The following LDLRAD3 variants were observed in gnomAD, a reference collection of about 807,000 sequenced individuals.
LDLRAD3 encodes the protein low-density lipoprotein receptor class A domain-containing protein 3.
In LDLRAD3, 20 loss-of-function variants were observed where a neutral mutation model predicts 29.4. The ratio of observed to expected loss-of-function variants is 0.68; its 90% CI spans 0.48 to 0.99. The LOEUF is 0.99. LDLRAD3 is among the 50% of genes least tolerant of loss of function. LDLRAD3 has a pLI of 0.00. For synonymous variants in LDLRAD3, 157 were observed against 192.7 expected, an observed-to-expected ratio of 0.81 and a Z score of 1.53; for missense variants, 420 against 454.3, an observed-to-expected ratio of 0.92 and a Z score of 0.69.
rs1051328987 is a variant in LDLRAD3 at position 35,944,361 on chromosome 11, T to C, written c.46+217T>C. Among the ~76,000 whole-genome samples the C allele has an allele frequency of 7.3e-5, 11 of 151,626 alleles. No homozygotes were observed. Among genetic ancestry groups the C allele is most frequent in the African/African-American group, 2.7e-4 (11 of 41,384 alleles). ...CTATTGTGTGGGCGTGCGCGCCGGG[T>C]CGTGTTGTGCTGTGTGCGCGGGCGG... On this transcript the variant is annotated intron_variant, in intron 1 of 5. Transcript: ENST00000315571. This position sits in a 1 kb window ranked among gnomAD's most constrained non-coding sequence, Gnocchi z 4.9.
intron 1 of LDLRAD3, among the ~76,000 whole-genome samples, chr11:35,998,529 A>C (rs1851783101): frequency 6.6e-6 from 1 of 152,236 alleles, no homozygotes; most frequent in Non-Finnish European, 1.5e-5. Context: ...CAAACAAACA[A>C]ACAATCAAAC....
At position 36,141,454 on chromosome 11, in the gene LDLRAD3, C is replaced by T. The variant is rs369967961; in HGVS notation, c.454+42993C>T. Among the ~76,000 whole-genome samples the T allele has an allele frequency of 5.1e-4, 78 of 152,276 alleles. 1 individual carries two copies. The South Asian group carries it at 9.8e-3, about 19-fold the overall frequency. On this transcript the variant is annotated intron_variant, in intron 4 of 5. Transcript: ENST00000315571. ...GGATGTGGAAGCGGATGCATCCCTC[C>T]GGGAAAATGGAGACAGCTGCCTGAA...
chr11:36,036,065 G>A, intron 1 of LDLRAD3, 38 bp from the exon 2 acceptor site: 1 of 1,601,324 alleles, frequency 6.2e-7, no homozygotes, highest in Non-Finnish European at 8.5e-7. Context: ...GGTCCCTGCT[G>A]TTGCTGTGCC....
intron 3 of LDLRAD3, among the ~76,000 whole-genome samples, chr11:36,093,474 G>C (rs1461717452): frequency 6.6e-6 from 1 of 151,712 alleles, no homozygotes; most frequent in East Asian, 1.9e-4. Context: ...GCTATGATAA[G>C]TAGCATTCTC....
chr11:35,965,401 A>G (rs955362324), intron 1 of LDLRAD3, among the ~76,000 whole-genome samples: 1 of 152,294 alleles, frequency 6.6e-6, no homozygotes, highest in African/African-American at 2.4e-5. Context: ...TGTTCTTGTA[A>G]CACACATTTG....
intron 4 of LDLRAD3, among the ~76,000 whole-genome samples, chr11:36,111,613 T>G (rs1479351345): frequency 6.6e-6 from 1 of 151,784 alleles, no homozygotes; most frequent in Non-Finnish European, 1.5e-5. Context: ...TTTTTTTTCT[T>G]TCTCTGAGAT....
At chr11:36,223,493 C>T (rs1855457124) in intron 4 of LDLRAD3, among the ~76,000 whole-genome samples, 1 of 152,110 alleles carries the variant, frequency 6.6e-6, no homozygotes, top group Admixed American at 6.5e-5. Flanking sequence ...CTTTGGAAGG[C>T]AGAGATGGAT....
At chr11:36,030,413 A>G (rs1328448606) in intron 1 of LDLRAD3, among the ~76,000 whole-genome samples, 1 of 150,514 alleles carries the variant, frequency 6.6e-6, no homozygotes, top group Non-Finnish European at 1.5e-5. Context: ...CCGCTCACTC[A>G]CTGGCCTGTG....
chr11:36,159,602 TAAAAAAAAAAAA>T (rs66512652), intron 4 of LDLRAD3, among the ~76,000 whole-genome samples: 5 of 58,466 alleles, frequency 8.6e-5, no homozygotes, highest in African/African-American at 1.2e-4. Context: ...TTACAGAAAC[TAAAAAAAAAAAA>T]AAAAAAAAAA....
chr11:36,173,326 TCCCTCCC>T (rs991331240), intron 4 of LDLRAD3, among the ~76,000 whole-genome samples: 28 of 122,144 alleles, frequency 2.3e-4, no homozygotes, highest in African/African-American at 8.1e-4. Flanking sequence ...CCTAATGCTA[TCCCTCCC>T]CCCTCCCCCC....
intron 4 of LDLRAD3, among the ~76,000 whole-genome samples, chr11:36,170,996 T>A (rs779176428): frequency 2.4e-4 from 36 of 152,160 alleles, no homozygotes; most frequent in Non-Finnish European, 3.4e-4. Context: ...GAGACAGGGT[T>A]TCACCATGTT....
intron 1 of LDLRAD3, among the ~76,000 whole-genome samples, chr11:36,004,089 C>T (rs1448334551): frequency 1.3e-5 from 2 of 152,170 alleles, no homozygotes; most frequent in African/African-American, 2.4e-5. Context: ...CGTGACCCCT[C>T]CCAAATATCA....
chr11:35,960,289 T>C (rs1851259865), intron 1 of LDLRAD3, among the ~76,000 whole-genome samples: 1 of 152,226 alleles, frequency 6.6e-6, no homozygotes, highest in African/African-American at 2.4e-5. Flanking sequence ...CTTTGCTCAT[T>C]CATCTCTTAA....
intron 4 of LDLRAD3, among the ~76,000 whole-genome samples, chr11:36,207,862 G>A (rs1855231986): frequency 6.6e-6 from 1 of 152,122 alleles, no homozygotes; most frequent in African/African-American, 2.4e-5. Flanking sequence ...CTCAGAGAGG[G>A]CCTCCTAGGT....
At chr11:36,167,463 T>C (rs1412673404) in intron 4 of LDLRAD3, among the ~76,000 whole-genome samples, 2 of 151,126 alleles carry the variant, frequency 1.3e-5, no homozygotes, top group African/African-American at 4.9e-5. Flanking sequence ...CCAATATGTC[T>C]CATGTCCCTG....
At chr11:35,948,358 C>A (rs1259782054) in intron 1 of LDLRAD3, among the ~76,000 whole-genome samples, 6 of 151,936 alleles carry the variant, frequency 3.9e-5, no homozygotes, top group African/African-American at 1.5e-4. Context: ...AATGCTTGGA[C>A]CATTCTAACC....
chr11:36,204,267 G>A (rs755014259), intron 4 of LDLRAD3, among the ~76,000 whole-genome samples: 1 of 152,114 alleles, frequency 6.6e-6, no homozygotes, highest in Non-Finnish European at 1.5e-5. Flanking sequence ...AAGGGGGTCA[G>A]GTCCAAGCCA....
At chr11:36,049,221 T>G (rs568152276) in intron 2 of LDLRAD3, among the ~76,000 whole-genome samples, 1 of 152,192 alleles carries the variant, frequency 6.6e-6, no homozygotes, top group African/African-American at 2.4e-5. Flanking sequence ...TCAAAAAAAA[T>G]TTTCTCCTGG....
intron 4 of LDLRAD3, among the ~76,000 whole-genome samples, chr11:36,129,656 T>C (rs55924292): frequency 0.26 from 38,995 of 152,072 alleles, 5,368 homozygotes; most frequent in East Asian, 0.33. Flanking sequence ...ATGCAATTGA[T>C]CATTGCTCTG....
Sources: allele counts gnomAD v4.1 joint callset (sites outside exome capture counted in the v4.1 genomes callset), GRCh38; gene constraint gnomAD v4.1.1; non-coding constraint Gnocchi (gnomAD v3.1); transcripts MANE v1.5; gene names NCBI Gene and HGNC (gene_info 2026-07-23, HGNC 2026-07-21).